The following KCNQ1 variants were observed in gnomAD, a reference collection of about 807,000 sequenced individuals.
The protein encoded by KCNQ1 is potassium voltage-gated channel subfamily KQT member 1.
In KCNQ1, 49 loss-of-function variants were observed where a neutral mutation model predicts 72.4. The ratio of observed to expected loss-of-function variants is 0.68; its 90% CI spans 0.54 to 0.86. The LOEUF (loss-of-function observed/expected upper bound fraction) is 0.86. Among genes scored for constraint, KCNQ1 ranks in the 40% least tolerant of loss-of-function variants. The probability of loss-of-function intolerance (pLI) is 0.00; values close to 1 mark genes in which losing one functional copy is unlikely to be tolerated. For synonymous variants in KCNQ1, 450 were observed against 412.6 expected (o/e 1.09, Z -1.10); for missense variants, 790 against 945.1 (o/e 0.84, Z 2.15).
At chr11:2,527,202 C>T (rs964950879) in intron 1 of KCNQ1, among the ~76,000 whole-genome samples, 13 of 152,124 alleles carry the variant, frequency 8.5e-5, no homozygotes, top group Admixed American at 6.5e-5. Flanking sequence ...GGCTCGGCCT[C>T]GGGGCCTTGG....
Position 2,626,662 on chromosome 11 carries a change from G to T in KCNQ1, c.1394-35299G>T. The T allele has an allele frequency of 2.5e-6, 1 of 398,522 alleles. No individual in the cohort carries two copies. 24.7% of individuals were successfully genotyped at this position (398,522 alleles called of 1,614,324 possible). On this transcript the variant is annotated intron_variant, in intron 10 of 15. Transcript: ENST00000155840. The surrounding 1 kb of genome is among the most constrained non-coding windows in gnomAD (Gnocchi z 4.0). ...TCCCACCTCGGCTTCTTGAGTAGCT[G>T]GGAATAGAAGTGTGTACCATTACAC...
chr11:2,732,808 G>C (rs1317877278), intron 11 of KCNQ1, among the ~76,000 whole-genome samples: 1 of 152,100 alleles, frequency 6.6e-6, no homozygotes, highest in East Asian at 1.9e-4. Context: ...GAGCCTGGGG[G>C]CCTCTGTCCC....
intron 15 of KCNQ1, among the ~76,000 whole-genome samples, chr11:2,844,484 T>C (rs1848279693): frequency 6.6e-6 from 1 of 152,218 alleles, no homozygotes; most frequent in Non-Finnish European, 1.5e-5. Context: ...GGGCTGACGC[T>C]GGCCCAGGCA....
chr11:2,677,343 A>G lies in KCNQ1; in HGVS notation c.1514+15262A>G, dbSNP rs1850311668. 8 of 398,624 alleles carry G rather than the reference A, an allele frequency of 2.0e-5. 1 individual carries two copies. In the East Asian group the frequency reaches 2.1e-4, roughly 11 times the overall value. The allele number at this position is 398,624 out of a possible 1,614,324, so 24.7% of individuals were successfully genotyped here. On this transcript the variant is annotated intron_variant, in intron 11 of 15. Coordinates refer to ENST00000155840, the MANE Select transcript of KCNQ1 (RefSeq NM_000218.3). The surrounding 1 kb of genome is among the most constrained non-coding windows in gnomAD (Gnocchi z 4.5). ...ATGTCAAATGATTTCTCAAATAGAGACTGGGCAGAGTAGACCAGTTAGTTA... is the reference window on the plus strand; with the variant it reads ...ATGTCAAATGATTTCTCAAATAGAGGCTGGGCAGAGTAGACCAGTTAGTTA...
At chr11:2,722,784 A>G (rs114390849) in intron 11 of KCNQ1, among the ~76,000 whole-genome samples, 286 of 151,954 alleles carry the variant, frequency 1.9e-3, no homozygotes, top group African/African-American at 6.7e-3. Flanking sequence ...TGTGACCAAG[A>G]CCCTTCCTCC....
chr11:2,503,790 C>T (rs908978115), intron 1 of KCNQ1, among the ~76,000 whole-genome samples: 1 of 152,144 alleles, frequency 6.6e-6, no homozygotes, highest in East Asian at 1.9e-4. Context: ...GATATGACCC[C>T]ACCCTGGTCA....
chr11:2,811,112 C>A (rs1289819554), intron 15 of KCNQ1, among the ~76,000 whole-genome samples: 1 of 152,222 alleles, frequency 6.6e-6, no homozygotes, highest in African/African-American at 2.4e-5. Flanking sequence ...GTCCCTTCAC[C>A]CTCAGGCTGT....
In KCNQ1 at chr11:2,447,827, T is replaced by A. The variant is rs1462904688; in HGVS notation, c.386+2343T>A. 6.6e-6 allele frequency among the ~76,000 whole-genome samples: 1 copy of A among 152,144 alleles called. No individual in the cohort carries two copies. The highest frequency in any genetic ancestry group is 6.5e-5 in the Admixed American group (1 of 15,284). ...GCAGGGGGGTTGAGGCAGGAGCCGGTGTTCCGCTGACCCTACAGGGCTAGG... is the reference window on the plus strand; with the variant it reads ...GCAGGGGGGTTGAGGCAGGAGCCGGAGTTCCGCTGACCCTACAGGGCTAGG... On this transcript the variant is annotated intron_variant, in intron 1 of 15. Transcript: ENST00000155840. The surrounding 1 kb of genome is among the most constrained non-coding windows in gnomAD (Gnocchi z 7.6).
intron 1 of KCNQ1, among the ~76,000 whole-genome samples, chr11:2,514,065 C>T (rs558602065): frequency 3.0e-4 from 46 of 152,328 alleles, no homozygotes; most frequent in African/African-American, 1.1e-3. Flanking sequence ...ACTCCTGGTG[C>T]CCTGGTCAGC....
chr11:2,485,312 T>C (rs1010690491), intron 1 of KCNQ1, among the ~76,000 whole-genome samples: 2 of 152,000 alleles, frequency 1.3e-5, no homozygotes, highest in Non-Finnish European at 2.9e-5. Flanking sequence ...AAGAGTGTCC[T>C]CAGAGGAGAG....
rs1250368074 is a variant in KCNQ1, at chr11:2,463,043, G to C, written c.386+17559G>C. 1.3e-5 allele frequency among the ~76,000 whole-genome samples: 2 copies of C among 152,156 alleles called. No homozygotes were observed. The highest frequency in any genetic ancestry group is 2.9e-5 in the Non-Finnish European group (2 of 68,020). Reference sequence around the variant, plus strand: ...CAGGGGGCCCAGGGAAGTGGGGCCAGTCGGGGGTCCTCAGGGGTCCTTCAG... The same window carrying C: ...CAGGGGGCCCAGGGAAGTGGGGCCACTCGGGGGTCCTCAGGGGTCCTTCAG... On this transcript the variant is annotated intron_variant, in intron 1 of 15. Coordinates refer to ENST00000155840, the MANE Select transcript of KCNQ1 (RefSeq NM_000218.3). The surrounding 1 kb of genome is among the most constrained non-coding windows in gnomAD (Gnocchi z 7.0).
rs111659081 is a variant in KCNQ1 at position 2,499,619 on chromosome 11, A to G, written c.387-28309A>G. Among the ~76,000 whole-genome samples the G allele has an allele frequency of 8.9e-3, 1,350 of 152,184 alleles. 11 individuals are homozygous for G. The highest frequency in any genetic ancestry group is 0.014 in the Non-Finnish European group (961 of 67,990). On this transcript the variant is annotated intron_variant, in intron 1 of 15. Coordinates refer to ENST00000155840, the MANE Select transcript of KCNQ1 (RefSeq NM_000218.3). ...ATAGACTGAAAATTAAGGGCTTGAAAAAAGATATTCCGTGCCAATAGAAAC... is the reference window on the plus strand; with the variant it reads ...ATAGACTGAAAATTAAGGGCTTGAAGAAAGATATTCCGTGCCAATAGAAAC...
In KCNQ1 at chr11:2,563,639, C is replaced by G. The variant is rs1212386463; in HGVS notation, c.478-6989C>G. On this transcript the variant is annotated intron_variant, in intron 2 of 15. Transcript: ENST00000155840. This position sits in a 1 kb window ranked among gnomAD's most constrained non-coding sequence, Gnocchi z 7.4. ...GAAGCCGTCAGTGGCAGTGACTGTG[C>G]CTTAGGGTGTCCCGTTGGCATCCAG... 1.3e-5 allele frequency among the ~76,000 whole-genome samples: 2 copies of G among 152,224 alleles called. No individual in the cohort carries two copies. The highest frequency in any genetic ancestry group is 2.4e-5 in the African/African-American group (1 of 41,458).
rs116728731 is a variant in KCNQ1, at chr11:2,644,186, T to A, written c.1394-17775T>A. ...GTATTATTTCATTAAATAGGTTTTA[T>A]AATCTTTTGGTTTGCTCTTCACCTT... On this transcript the variant is annotated intron_variant, in intron 10 of 15. Transcript: ENST00000155840. 162 of 398,580 alleles carry A rather than the reference T, an allele frequency of 4.1e-4. 2 individuals are homozygous for A. The highest frequency in any genetic ancestry group is 3.0e-3 in the African/African-American group (145 of 48,768). 24.7% of individuals were successfully genotyped at this position (398,580 alleles called of 1,614,324 possible). A position where few individuals can be genotyped will look rare whatever the true frequency, so the allele number is the denominator to read the frequency against.
Position 2,659,354 on chromosome 11 carries a change from T to A in KCNQ1, c.1394-2607T>A, listed in dbSNP as rs1248532962. 1 of 398,534 alleles carries A rather than the reference T, an allele frequency of 2.5e-6. No individual in the cohort carries two copies. The highest frequency in any genetic ancestry group is 4.4e-6 in the Non-Finnish European group (1 of 226,060). The allele number at this position is 398,534 out of a possible 1,614,324, so 24.7% of individuals were successfully genotyped here. ...ATGTCCTATAAATGGGATCCTATAA[T>A]ATGTATTCTTTTGCATCTGGCTTCT... is the stretch of plus-strand genomic sequence containing the variant. On this transcript the variant is annotated intron_variant, in intron 10 of 15. Transcript: ENST00000155840. The surrounding 1 kb of genome is among the most constrained non-coding windows in gnomAD (Gnocchi z 4.3).
At chr11:2,594,628 A>G (rs1221520608) in intron 10 of KCNQ1, among the ~76,000 whole-genome samples, 2 of 152,206 alleles carry the variant, frequency 1.3e-5, no homozygotes, top group South Asian at 4.2e-4. Flanking sequence ...TTTTCTATGC[A>G]GTTTCTAACT....
At position 2,695,676 on chromosome 11, in the gene KCNQ1, T is replaced by C. The variant is rs1564861133; in HGVS notation, c.1514+33595T>C. ...AATATTTTATTTGAGGAAGAAGTGT[T>C]GGCCAGCTCTTCAGAACGTCTGTGC... is the stretch of plus-strand genomic sequence containing the variant. On this transcript the variant is annotated intron_variant, in intron 11 of 15. Transcript: ENST00000155840. The surrounding 1 kb of genome is among the most constrained non-coding windows in gnomAD (Gnocchi z 5.2). The C allele has an allele frequency of 5.0e-6, 2 of 398,532 alleles. No homozygotes were observed. Among genetic ancestry groups the C allele is most frequent in the Non-Finnish European group, 8.8e-6 (2 of 226,088 alleles). 24.7% of individuals were successfully genotyped at this position (398,532 alleles called of 1,614,324 possible).
chr11:2,599,706 T>C lies in KCNQ1; in HGVS notation c.1393+10852T>C, dbSNP rs536707137. ...CCTTGCCTTGCAGATGGCCGCCTTC[T>C]TCCTGTGTCATCACATGACCATTGC... On this transcript the variant is annotated intron_variant, in intron 10 of 15. Transcript: ENST00000155840. This position sits in a 1 kb window ranked among gnomAD's most constrained non-coding sequence, Gnocchi z 4.7. 6.6e-6 allele frequency among the ~76,000 whole-genome samples: 1 copy of C among 152,318 alleles called. No individual in the cohort carries two copies. The highest frequency in any genetic ancestry group is 6.5e-5 in the Admixed American group (1 of 15,304).
chr11:2,675,649 C>T (rs179513), intron 11 of KCNQ1: 9 of 398,522 alleles, frequency 2.3e-5, no homozygotes, highest in Admixed American at 4.4e-5. Flanking sequence ...GTTGGGCTCT[C>T]TAGGAGCCCG....
Sources: allele counts gnomAD v4.1 joint callset (sites outside exome capture counted in the v4.1 genomes callset), GRCh38; gene constraint gnomAD v4.1.1; non-coding constraint Gnocchi (gnomAD v3.1); transcripts MANE v1.5; gene names NCBI Gene and HGNC (gene_info 2026-07-23, HGNC 2026-07-21).